PRKCA: variants seen among roughly 807,000 people sequenced by gnomAD.
PRKCA encodes the protein protein kinase C alpha.
A neutral mutation model predicts 87.0 loss-of-function variants in PRKCA; 27 were observed. The ratio of observed to expected loss-of-function variants is 0.31; its 90% CI spans 0.23 to 0.43. The LOEUF (loss-of-function observed/expected upper bound fraction) is 0.43. PRKCA is among the 20% of genes least tolerant of loss of function. PRKCA has a pLI of 1.00. For synonymous variants in PRKCA, 329 were observed against 311.1 expected (o/e 1.06, Z -0.61); for missense variants, 518 against 852.3 (o/e 0.61, Z 4.88).
chr17:66,740,551 A>G lies in PRKCA; in HGVS notation c.1323-1108A>G, dbSNP rs561860080. 9.0e-4 allele frequency among the ~76,000 whole-genome samples: 137 copies of G among 152,276 alleles called. 1 individual carries two copies. The highest frequency in any genetic ancestry group is 3.2e-3 in the African/African-American group (135 of 41,556). On this transcript the variant is annotated intron_variant, in intron 11 of 16. Transcript: ENST00000413366. ...AGATTAACTGAAGGCAGAATAGGGA[A>G]ATCTTTGGTTGCAAGCTTTAAAAGT...
chr17:66,472,811 A>AT (rs1417792686), intron 2 of PRKCA, among the ~76,000 whole-genome samples: 2 of 152,128 alleles, frequency 1.3e-5, no homozygotes, highest in Non-Finnish European at 2.9e-5. Flanking sequence ...ACTATAGGTC[A>AT]TTTTTCCATT....
chr17:66,390,062 AAAAATAC>A (rs1285770666), intron 2 of PRKCA, among the ~76,000 whole-genome samples: 1 of 152,190 alleles, frequency 6.6e-6, no homozygotes, highest in Non-Finnish European at 1.5e-5. Context: ...CGTCTCTACT[AAAAATAC>A]AAAATTAGCC....
chr17:66,456,099 C>T (rs1246327864), intron 2 of PRKCA, among the ~76,000 whole-genome samples: 33 of 151,660 alleles, frequency 2.2e-4, no homozygotes, highest in Admixed American at 1.8e-3. Flanking sequence ...ATCTACAAAC[C>T]GAGGAATGCC....
At chr17:66,699,025 A>G (rs914937923) in intron 8 of PRKCA, among the ~76,000 whole-genome samples, 2 of 151,546 alleles carry the variant, frequency 1.3e-5, no homozygotes, top group Non-Finnish European at 2.9e-5. Context: ...GTTTGGAGAA[A>G]GATATGGACA....
chr17:66,768,187 G>A (rs377191947), intron 13 of PRKCA, among the ~76,000 whole-genome samples: 5 of 150,376 alleles, frequency 3.3e-5, no homozygotes, highest in East Asian at 2.0e-4. Flanking sequence ...CAAGTGATCC[G>A]CCCGCCTGGG....
chr17:66,700,669 A>G (rs1366909876), intron 8 of PRKCA, among the ~76,000 whole-genome samples: 2 of 152,218 alleles, frequency 1.3e-5, no homozygotes, highest in Non-Finnish European at 2.9e-5. Context: ...ACTATTCAAA[A>G]CAATATAAGA....
intron 4 of PRKCA, among the ~76,000 whole-genome samples, chr17:66,643,231 T>A (rs1171501748): frequency 6.6e-6 from 1 of 152,192 alleles, no homozygotes; most frequent in African/African-American, 2.4e-5. Context: ...TGCAATCAGG[T>A]TTCTCCTACA....
At chr17:66,490,342 ACT>A (rs2144089064) in intron 2 of PRKCA, among the ~76,000 whole-genome samples, 1 of 142,858 alleles carries the variant, frequency 7.0e-6, no homozygotes, top group South Asian at 2.2e-4. Flanking sequence ...CATTTCCAGA[ACT>A]CTTTTTTTTT....
intron 8 of PRKCA, among the ~76,000 whole-genome samples, chr17:66,729,310 A>G (rs2144189832): frequency 6.6e-6 from 1 of 152,314 alleles, no homozygotes; most frequent in South Asian, 2.1e-4. Flanking sequence ...AGGCTGAGGC[A>G]GGAGAATCGC....
At chr17:66,713,156 A>G (rs1222925848) in intron 8 of PRKCA, among the ~76,000 whole-genome samples, 3 of 150,102 alleles carry the variant, frequency 2.0e-5, no homozygotes, top group Admixed American at 6.7e-5. Context: ...GGTTCAAGCA[A>G]TTCTCCTGCC....
intron 2 of PRKCA, among the ~76,000 whole-genome samples, chr17:66,386,007 ACCTCGG>A (rs200184500): frequency 0.045 from 6,837 of 152,050 alleles, 338 homozygotes; most frequent in African/African-American, 0.13. Flanking sequence ...CGATCCGCCC[ACCTCGG>A]CCTCCCAAAG....
At chr17:66,616,442 G>T (rs772281511) in intron 3 of PRKCA, among the ~76,000 whole-genome samples, 1 of 152,180 alleles carries the variant, frequency 6.6e-6, no homozygotes, top group African/African-American at 2.4e-5. Flanking sequence ...GTGGCTTTGT[G>T]ATTTGTTTAC....
chr17:66,574,855 A>C (rs1177371910), intron 3 of PRKCA, among the ~76,000 whole-genome samples: 1 of 152,210 alleles, frequency 6.6e-6, no homozygotes, highest in East Asian at 1.9e-4. Flanking sequence ...ACAGTAAGAG[A>C]TTAACAACAA....
chr17:66,670,127 G>T (rs963434193), intron 5 of PRKCA, among the ~76,000 whole-genome samples: 3 of 152,142 alleles, frequency 2.0e-5, no homozygotes, highest in East Asian at 1.9e-4. Context: ...GCCAGTCGTG[G>T]CATATTCTCA....
chr17:66,396,459 T>G (rs1372777317), intron 2 of PRKCA, among the ~76,000 whole-genome samples: 1 of 152,220 alleles, frequency 6.6e-6, no homozygotes, highest in Admixed American at 6.5e-5. Context: ...TACAGTCTTT[T>G]TTTTCCTTGT....
intron 8 of PRKCA, among the ~76,000 whole-genome samples, chr17:66,713,638 C>T (rs77486303): frequency 0.012 from 1,801 of 152,284 alleles, 39 homozygotes; most frequent in African/African-American, 0.041. Context: ...AAATGTCACC[C>T]GCATGTTGGA....
rs369018799 is a variant in PRKCA, at chr17:66,424,853, G to A, written c.206-71348G>A. ...CAGCCTCAACCACCCGGGCTCAAGC[G>A]ATTCTCCCGCCTCAGCCTCCCGAGT... On this transcript the variant is annotated intron_variant, in intron 2 of 16. Coordinates refer to ENST00000413366, the MANE Select transcript of PRKCA (RefSeq NM_002737.3). 1.7e-3 allele frequency among the ~76,000 whole-genome samples: 261 copies of A among 151,326 alleles called. 13 individuals carry two copies. The South Asian group carries it at 0.053, about 31-fold the overall frequency.
At chr17:66,350,673 C>T (rs1212158268) in intron 2 of PRKCA, among the ~76,000 whole-genome samples, 3 of 152,088 alleles carry the variant, frequency 2.0e-5, no homozygotes, top group Non-Finnish European at 4.4e-5. Context: ...TAGGTGCACA[C>T]AACCACACCT....
chr17:66,564,870 C>T (rs565350006), intron 3 of PRKCA, among the ~76,000 whole-genome samples: 40 of 152,118 alleles, frequency 2.6e-4, no homozygotes, highest in Non-Finnish European at 4.7e-4. Flanking sequence ...GTCCCAGCTA[C>T]TCAGGAGGCT....
Sources: gnomAD v4.1 joint callset for allele counts (sites outside exome capture counted in the v4.1 genomes callset) on GRCh38, gnomAD v4.1.1 for gene constraint, MANE v1.5 for transcripts, NCBI Gene and HGNC (gene_info 2026-07-23, HGNC 2026-07-21) for gene names.